Variants in MAGI1 observed in about 807,000 individuals in gnomAD.
MAGI1 encodes the protein membrane-associated guanylate kinase, WW and PDZ domain-containing protein 1.
A neutral mutation model predicts 139.9 loss-of-function variants in MAGI1; 58 were observed. The ratio of observed to expected loss-of-function variants is 0.41; its 90% CI spans 0.34 to 0.52. MAGI1 has a LOEUF of 0.52. Among genes scored for constraint, MAGI1 ranks in the 20% least tolerant of loss-of-function variants. The probability of loss-of-function intolerance (pLI) is 0.12; values close to 1 mark genes in which losing one functional copy is unlikely to be tolerated. For synonymous variants in MAGI1, 812 were observed against 737.9 expected (o/e 1.10, Z -1.63); for missense variants, 1,874 against 1,901.6 (o/e 0.99, Z 0.27).
intron 12 of MAGI1, among the ~76,000 whole-genome samples, chr3:65,407,113 A>G (rs762876158): frequency 5.3e-5 from 8 of 152,168 alleles, no homozygotes; most frequent in Non-Finnish European, 1.0e-4. Context: ...AAAAATTCCT[A>G]TAAAAAGATG....
Position 65,356,228 on chromosome 3 carries a change from TA to T in MAGI1, c.*149del. ...TACTTTTCATATATATTTTTTCTTATAAGATTTCAAATGCATAAAATGTTTG... is the reference window on the plus strand; with the variant it reads ...TACTTTTCATATATATTTTTTCTTATAGATTTCAAATGCATAAAATGTTTG... On this transcript the variant is annotated 3_prime_UTR_variant, in exon 23 of 23. Transcript: ENST00000402939. 1.4e-6 allele frequency: 1 copy of T among 716,202 alleles called. No homozygotes were observed. The highest frequency in any genetic ancestry group is 2.9e-5 in the Admixed American group (1 of 34,450). 44.4% of individuals were successfully genotyped at this position (716,202 alleles called of 1,614,324 possible).
At chr3:65,812,797 G>A (rs536796416) in intron 1 of MAGI1, among the ~76,000 whole-genome samples, 18 of 127,044 alleles carry the variant, frequency 1.4e-4, no homozygotes, top group East Asian at 1.0e-3. Context: ...CGCAACCTCC[G>A]CCTCCTGGGT....
intron 7 of MAGI1, among the ~76,000 whole-genome samples, chr3:65,447,778 TC>T (rs1661676799): frequency 1.3e-5 from 2 of 152,242 alleles, no homozygotes; most frequent in Non-Finnish European, 2.9e-5. Context: ...TTGCTAACTC[TC>T]GTTCTAGTCT....
intron 2 of MAGI1, among the ~76,000 whole-genome samples, chr3:65,507,452 G>C (rs2077342296): frequency 6.6e-6 from 1 of 152,166 alleles, no homozygotes; most frequent in African/African-American, 2.4e-5. Context: ...ACATGTGTTA[G>C]CCTGGTCATA....
At chr3:65,401,901 A>C (rs1944926993) in intron 12 of MAGI1, 1 of 985,124 alleles carries the variant, frequency 1.0e-6, no homozygotes, top group South Asian at 4.7e-5. Flanking sequence ...GTATATATTT[A>C]GTTTCAAAGG....
intron 2 of MAGI1, among the ~76,000 whole-genome samples, chr3:65,569,325 T>C (rs2080829894): frequency 1.3e-5 from 2 of 152,202 alleles, no homozygotes; most frequent in South Asian, 4.1e-4. Context: ...AGTTTCAGTG[T>C]AGGATGATGA....
chr3:65,424,590 T>C (rs1946872510), intron 12 of MAGI1, among the ~76,000 whole-genome samples: 1 of 152,174 alleles, frequency 6.6e-6, no homozygotes, highest in Non-Finnish European at 1.5e-5. Context: ...GATGGCACTC[T>C]AAATGAGCAT....
chr3:65,966,889 T>C (rs1292716715), intron 1 of MAGI1, among the ~76,000 whole-genome samples: 8 of 152,272 alleles, frequency 5.3e-5, no homozygotes, highest in Non-Finnish European at 1.0e-4. Flanking sequence ...ACTTTAGCAC[T>C]TACTCTCTTT....
At chr3:65,630,304 G>A (rs1312926530) in intron 1 of MAGI1, among the ~76,000 whole-genome samples, 1 of 152,108 alleles carries the variant, frequency 6.6e-6, no homozygotes, top group Admixed American at 6.5e-5. Context: ...CAATTGTTAA[G>A]GTGAGAACTA....
chr3:66,033,461 C>T (rs1379730748), intron 1 of MAGI1, among the ~76,000 whole-genome samples: 1 of 152,214 alleles, frequency 6.6e-6, no homozygotes, highest in African/African-American at 2.4e-5. Flanking sequence ...AAGCATTTTA[C>T]AGCACACCAG....
chr3:65,431,724 T>C (rs912124652), intron 10 of MAGI1, among the ~76,000 whole-genome samples: 3 of 151,992 alleles, frequency 2.0e-5, no homozygotes, highest in African/African-American at 7.2e-5. Context: ...TGGTGGCTCA[T>C]GCCTGTAATC....
intron 1 of MAGI1, among the ~76,000 whole-genome samples, chr3:65,666,813 A>G (rs996891860): frequency 6.6e-6 from 1 of 152,212 alleles, no homozygotes; most frequent in East Asian, 1.9e-4. Context: ...TCACAGATCA[A>G]TCACGGAGAC....
intron 1 of MAGI1, among the ~76,000 whole-genome samples, chr3:65,838,966 T>C (rs1010316734): frequency 4.6e-5 from 7 of 152,248 alleles, no homozygotes; most frequent in African/African-American, 7.2e-5. Flanking sequence ...ATTTCCCTAA[T>C]GGTTAGTAAT....
At position 65,547,774 on chromosome 3, in the gene MAGI1, A is replaced by C. The variant is rs2079574076; in HGVS notation, c.431-54143T>G. 2.6e-5 allele frequency among the ~76,000 whole-genome samples: 4 copies of C among 152,122 alleles called. No homozygotes were observed. The South Asian group carries it at 8.3e-4, about 31-fold the overall frequency. On this transcript the variant is annotated intron_variant, in intron 2 of 22. Coordinates refer to ENST00000402939, the MANE Select transcript of MAGI1 (RefSeq NM_001033057.2). ...AAGAGCTGATAGCAGTGTTTGCCCT[A>C]TGTTTAGGTACTCCATACAGCTTGC... is the stretch of plus-strand genomic sequence containing the variant.
Position 65,946,430 on chromosome 3 carries a change from T to C in MAGI1, c.313+91566A>G, listed in dbSNP as rs186940918. Among the ~76,000 whole-genome samples, 190 of 152,276 alleles carry C rather than the reference T, an allele frequency of 1.2e-3. 1 individual carries two copies. Among genetic ancestry groups the C allele is most frequent in the African/African-American group, 4.4e-3 (183 of 41,556 alleles). On this transcript the variant is annotated intron_variant, in intron 1 of 22. Coordinates refer to ENST00000402939, the MANE Select transcript of MAGI1 (RefSeq NM_001033057.2). ...TTGGAATATTAAAACTTTGCTTACA[T>C]CCTGTTTTGGTCCCTTTGGTTTTTT... is the stretch of plus-strand genomic sequence containing the variant.
chr3:65,600,470 G>A (rs995280126), intron 2 of MAGI1, among the ~76,000 whole-genome samples: 1 of 152,188 alleles, frequency 6.6e-6, no homozygotes, highest in Non-Finnish European at 1.5e-5. Flanking sequence ...TTTTCTCAGA[G>A]GTGTAGTATC....
chr3:65,460,792 T>A (rs1483185954), intron 5 of MAGI1, among the ~76,000 whole-genome samples: 1 of 152,080 alleles, frequency 6.6e-6, no homozygotes, highest in Admixed American at 6.5e-5. Flanking sequence ...AGTGAGAACA[T>A]GGGGTGTTTG....
chr3:65,895,370 T>C (rs911245587), intron 1 of MAGI1, among the ~76,000 whole-genome samples: 19 of 152,176 alleles, frequency 1.2e-4, no homozygotes, highest in Non-Finnish European at 2.6e-4. Flanking sequence ...GAACACAACA[T>C]GTGAAATATA....
rs530530842 is a variant in MAGI1 at position 65,898,582 on chromosome 3, C to T, written c.313+139414G>A. ...AGTAAGTTCATGGCTCCTTCATTTG[C>T]TATGTCTCATTTCACAAAAGTTCCT... On this transcript the variant is annotated intron_variant, in intron 1 of 22. Coordinates refer to ENST00000402939, the MANE Select transcript of MAGI1 (RefSeq NM_001033057.2). Among the ~76,000 whole-genome samples, 321 of 152,236 alleles carry T rather than the reference C, an allele frequency of 2.1e-3. 2 individuals carry two copies. The highest frequency in any genetic ancestry group is 3.8e-3 in the Non-Finnish European group (261 of 67,998).
Sources: allele counts gnomAD v4.1 joint callset (sites outside exome capture counted in the v4.1 genomes callset), GRCh38; gene constraint gnomAD v4.1.1; transcripts MANE v1.5; gene names NCBI Gene and HGNC (gene_info 2026-07-23, HGNC 2026-07-21).